FAM162A: variants seen among roughly 807,000 people sequenced by gnomAD.
The protein encoded by FAM162A is family with sequence similarity 162 member A.
In FAM162A, 23 loss-of-function variants were observed where a neutral mutation model predicts 21.8. That is an observed-to-expected ratio of 1.05 (90% confidence interval 0.76 to 1.49). The LOEUF (loss-of-function observed/expected upper bound fraction) is 1.49, where lower values mean the gene tolerates loss of function less well. Ranked by LOEUF, FAM162A falls within the 40% of genes most tolerant of loss-of-function variation. The probability of loss-of-function intolerance (pLI) is 0.00; values close to 1 mark genes in which losing one functional copy is unlikely to be tolerated. For synonymous variants in FAM162A, 53 were observed against 61.3 expected (o/e 0.86, Z 0.64); for missense variants, 165 against 186.4 (o/e 0.89, Z 0.67).
chr3:122,399,523 T>G (rs2075643776), intron 1 of FAM162A, among the ~76,000 whole-genome samples: 1 of 152,204 alleles, frequency 6.6e-6, no homozygotes, highest in Non-Finnish European at 1.5e-5. Flanking sequence ...CTTTATCCAG[T>G]CTGCCATTGA....
At chr3:122,409,458 T>C (rs1027484140) in intron 4 of FAM162A, among the ~76,000 whole-genome samples, 1 of 151,538 alleles carries the variant, frequency 6.6e-6, no homozygotes, top group African/African-American at 2.4e-5. Flanking sequence ...GAGAAGAAAG[T>C]ATAAGAGAAA....
Position 122,386,167 on chromosome 3 carries a change from A to C in FAM162A, c.34+1868A>C, listed in dbSNP as rs577683240. On this transcript the variant is annotated intron_variant, in intron 1 of 4. Transcript: ENST00000477892. ...GTCATGAAATGCAGATTTAGTTCTG[A>C]AATGAAAGTACACCTTCATGTGCAA... is the stretch of plus-strand genomic sequence containing the variant. 2.8e-4 allele frequency among the ~76,000 whole-genome samples: 42 copies of C among 152,352 alleles called. No homozygotes were observed. In the South Asian group the frequency reaches 7.7e-3, roughly 28 times the overall value.
At chr3:122,408,523 A>T (rs1220352435) in intron 4 of FAM162A, among the ~76,000 whole-genome samples, 1 of 152,210 alleles carries the variant, frequency 6.6e-6, no homozygotes, top group African/African-American at 2.4e-5. Flanking sequence ...TCTTGCAGTT[A>T]AATGGAAATA....
At chr3:122,404,961 G>T (rs776462064) in intron 3 of FAM162A, among the ~76,000 whole-genome samples, 4 of 152,210 alleles carry the variant, frequency 2.6e-5, no homozygotes, top group Non-Finnish European at 5.9e-5. Context: ...TTTGTTGGAA[G>T]ATGTTTGGCA....
intron 1 of FAM162A, among the ~76,000 whole-genome samples, chr3:122,395,320 C>G (rs934180905): frequency 5.9e-5 from 9 of 152,228 alleles, no homozygotes; most frequent in Non-Finnish European, 1.0e-4. Flanking sequence ...AAACTATATT[C>G]CCAGATAACA....
rs1228421625 is a variant in FAM162A at position 122,411,600 on chromosome 3, G to A, written c.*1769G>A. 1.3e-5 allele frequency: 2 copies of A among 151,344 alleles called. No individual in the cohort carries two copies. The highest frequency in any genetic ancestry group is 1.9e-4 in the East Asian group (1 of 5,156). 9.4% of individuals were successfully genotyped at this position (151,344 alleles called of 1,614,324 possible). A position where few individuals can be genotyped will look rare whatever the true frequency, so the allele number is the denominator to read the frequency against. ...GAGACAGTCTTGCACTGTCGCCCAG[G>A]CTAGAGTGCAGGGCATGATCTCAGC... On this transcript the variant is annotated 3_prime_UTR_variant, in exon 5 of 5. Coordinates refer to ENST00000477892, the MANE Select transcript of FAM162A (RefSeq NM_014367.4).
At chr3:122,408,197 A>G (rs986556759) in intron 4 of FAM162A, among the ~76,000 whole-genome samples, 9 of 152,192 alleles carry the variant, frequency 5.9e-5, no homozygotes, top group Admixed American at 5.9e-4. Context: ...TAACCCTAAG[A>G]GGTAAATAGT....
chr3:122,389,979 A>T (rs931109471), intron 1 of FAM162A, among the ~76,000 whole-genome samples: 2 of 152,114 alleles, frequency 1.3e-5, no homozygotes, highest in Non-Finnish European at 2.9e-5. Flanking sequence ...TACAAAACAA[A>T]TTTTTTTAAT....
In FAM162A at chr3:122,410,155, G is replaced by A. The variant is rs1009613042; in HGVS notation, c.*324G>A. On this transcript the variant is annotated 3_prime_UTR_variant, in exon 5 of 5. Transcript: ENST00000477892. ...CATTATCAAAGTAACCTCTCCACAG[G>A]CGAACTCATTTTGAGGAGATAAGGA... The A allele has an allele frequency of 3.0e-5, 11 of 363,686 alleles. No individual in the cohort carries two copies. The highest frequency in any genetic ancestry group is 5.8e-5 in the Non-Finnish European group (11 of 188,802). The allele number at this position is 363,686 out of a possible 1,614,324, so 22.5% of individuals were successfully genotyped here. A position where few individuals can be genotyped will look rare whatever the true frequency, so the allele number is the denominator to read the frequency against.
At chr3:122,408,750 C>G (rs371980390) in intron 4 of FAM162A, among the ~76,000 whole-genome samples, 1 of 152,130 alleles carries the variant, frequency 6.6e-6, no homozygotes, top group Non-Finnish European at 1.5e-5. Context: ...TTTGTATACT[C>G]GATTGTACTA....
At chr3:122,390,552 T>C (rs774708038) in intron 1 of FAM162A, among the ~76,000 whole-genome samples, 1 of 152,156 alleles carries the variant, frequency 6.6e-6, no homozygotes, top group Non-Finnish European at 1.5e-5. Flanking sequence ...AGGATATTTA[T>C]GGAAAGGAGG....
chr3:122,400,547 G>A lies in FAM162A; in HGVS notation c.35-2213G>A, dbSNP rs748906444. ...TAAATGAAAAAGACTGAGAATGGCC[G>A]GGCATGGTGGCTCACACCTGTAATC... On this transcript the variant is annotated intron_variant, in intron 1 of 4. Transcript: ENST00000477892. 6.6e-5 allele frequency among the ~76,000 whole-genome samples: 10 copies of A among 152,102 alleles called. No homozygotes were observed. The South Asian group carries it at 8.3e-4, about 13-fold the overall frequency.
At chr3:122,399,693 G>A (rs1330777392) in intron 1 of FAM162A, among the ~76,000 whole-genome samples, 1 of 152,136 alleles carries the variant, frequency 6.6e-6, no homozygotes, top group Non-Finnish European at 1.5e-5. Flanking sequence ...AGGTCTTTGA[G>A]GAATCGCCAT....
chr3:122,390,629 T>TA (rs1364531467), intron 1 of FAM162A, among the ~76,000 whole-genome samples: 1 of 152,218 alleles, frequency 6.6e-6, no homozygotes, highest in Non-Finnish European at 1.5e-5. Context: ...AGCCTCCAGC[T>TA]AGCAATGATA....
At chr3:122,388,905 C>T (rs962012658) in intron 1 of FAM162A, among the ~76,000 whole-genome samples, 5 of 152,152 alleles carry the variant, frequency 3.3e-5, no homozygotes, top group Middle Eastern at 3.4e-3. Context: ...AAAAATTAGC[C>T]GGGCGTGGTG....
At chr3:122,402,442 G>A (rs1229719297) in intron 1 of FAM162A, among the ~76,000 whole-genome samples, 1 of 151,920 alleles carries the variant, frequency 6.6e-6, no homozygotes, top group Admixed American at 6.6e-5. Context: ...AAACAGCCCT[G>A]ATGCCATAAT....
chr3:122,399,639 T>C (rs1288319859), intron 1 of FAM162A, among the ~76,000 whole-genome samples: 3 of 152,246 alleles, frequency 2.0e-5, no homozygotes, highest in Admixed American at 6.5e-5. Context: ...TTTGGAGATA[T>C]ACCCAGTAAT....
intron 3 of FAM162A, among the ~76,000 whole-genome samples, chr3:122,404,607 AT>A (rs1186128214): frequency 2.6e-5 from 4 of 152,226 alleles, no homozygotes; most frequent in African/African-American, 9.6e-5. Context: ...AAGTCAATTG[AT>A]TATTTGATTT....
chr3:122,411,578 A>G lies in FAM162A; in HGVS notation c.*1747A>G, dbSNP rs2075705226. On this transcript the variant is annotated 3_prime_UTR_variant, in exon 5 of 5. Coordinates refer to ENST00000477892, the MANE Select transcript of FAM162A (RefSeq NM_014367.4). ...ATGAAACCTTTTTTTTTTTTTTGAG[A>G]CAGTCTTGCACTGTCGCCCAGGCTA... The G allele has an allele frequency of 6.7e-6, 1 of 148,682 alleles. No individual in the cohort carries two copies. Among genetic ancestry groups the G allele is most frequent in the African/African-American group, 2.5e-5 (1 of 40,296 alleles). The allele number at this position is 148,682 out of a possible 1,614,324, so 9.2% of individuals were successfully genotyped here.
Sources: allele counts gnomAD v4.1 joint callset (sites outside exome capture counted in the v4.1 genomes callset), GRCh38; gene constraint gnomAD v4.1.1; transcripts MANE v1.5; gene names NCBI Gene and HGNC (gene_info 2026-07-23, HGNC 2026-07-21).